WDR72: variants seen among roughly 807,000 people sequenced by gnomAD.
WDR72 encodes the protein WD repeat-containing protein 72.
In WDR72, 120 loss-of-function variants were observed where a neutral mutation model predicts 124.2. The ratio of observed to expected loss-of-function variants is 0.97; its 90% CI spans 0.83 to 1.12. The LOEUF is 1.12. Ranked by LOEUF, WDR72 falls within the 50% of genes most tolerant of loss-of-function variation. The pLI, the probability that WDR72 is intolerant of heterozygous loss-of-function variation, is 0.00. For missense variants in WDR72, 1,387 were observed against 1,278.8 expected (o/e 1.08, Z -1.29); for synonymous variants, 452 against 441.7 (o/e 1.02, Z -0.29).
At chr15:53,619,076 C>T (rs1317657131) in intron 14 of WDR72, among the ~76,000 whole-genome samples, 1 of 151,762 alleles carries the variant, frequency 6.6e-6, no homozygotes, top group Non-Finnish European at 1.5e-5. Flanking sequence ...CTATTTGGTT[C>T]TTCTAAAAAA....
chr15:53,618,180 AT>A (rs2013845361), intron 14 of WDR72, among the ~76,000 whole-genome samples: 1 of 151,960 alleles, frequency 6.6e-6, no homozygotes, highest in Non-Finnish European at 1.5e-5. Context: ...AAAGTAACCA[AT>A]ATTTGAATTT....
chr15:53,632,085 C>G (rs908073302), intron 14 of WDR72, among the ~76,000 whole-genome samples: 37 of 152,122 alleles, frequency 2.4e-4, no homozygotes, highest in African/African-American at 8.4e-4. Flanking sequence ...GAGGAGAAGT[C>G]TTCTAAGACA....
chr15:53,548,666 G>A (rs1893596770), intron 18 of WDR72, among the ~76,000 whole-genome samples: 1 of 151,594 alleles, frequency 6.6e-6, no homozygotes, highest in Non-Finnish European at 1.5e-5. Flanking sequence ...TTTGGTGGGG[G>A]TTGAGGTGGG....
chr15:53,636,875 T>C (rs1391924724), intron 14 of WDR72, among the ~76,000 whole-genome samples: 1 of 152,208 alleles, frequency 6.6e-6, no homozygotes, highest in East Asian at 1.9e-4. Context: ...AACAACTTTA[T>C]GGTCATTTGC....
chr15:53,561,392 A>G (rs1179289452), intron 18 of WDR72, among the ~76,000 whole-genome samples: 1 of 151,828 alleles, frequency 6.6e-6, no homozygotes, highest in Admixed American at 6.6e-5. Context: ...CAAAGTAATT[A>G]AAAAAATCAA....
intron 1 of WDR72, among the ~76,000 whole-genome samples, chr15:53,753,708 T>C (rs1190334097): frequency 4.6e-5 from 7 of 152,240 alleles, no homozygotes; most frequent in African/African-American, 1.4e-4. Context: ...TCCCACCTTC[T>C]GTCTTCACTA....
intron 18 of WDR72, among the ~76,000 whole-genome samples, chr15:53,539,218 G>A (rs1412106141): frequency 6.6e-6 from 1 of 152,086 alleles, no homozygotes; most frequent in Non-Finnish European, 1.5e-5. Flanking sequence ...GTTTAAATAT[G>A]CCTTTCCTGG....
intron 10 of WDR72, among the ~76,000 whole-genome samples, chr15:53,705,458 A>T (rs73412118): frequency 0.013 from 1,896 of 146,084 alleles, 36 homozygotes; most frequent in African/African-American, 0.047. Context: ...GTGTGTTTTT[A>T]ATTAAAAAAA....
In WDR72 at chr15:53,705,187, C is replaced by T. The variant is rs755099188; in HGVS notation, c.1149G>A (p.Lys383=). Residue 383 remains lysine (K), a synonymous_variant, in exon 11 of 20, where the codon AAG becomes AAA. Coordinates refer to ENST00000360509, the MANE Select transcript of WDR72 (RefSeq NM_182758.4). ...TAATACTTTGTGACATAGTATCATG[C>T]TTATCAAAATTATCTTGAAGAGTCC... The part of the protein sequence containing the change: ...ATWTLQDNFD[K]HDTMSQSIID... The T allele has an allele frequency of 1.2e-6, 2 of 1,613,950 alleles. No homozygotes were observed. Among genetic ancestry groups the T allele is most frequent in the Non-Finnish European group, 1.7e-6 (2 of 1,180,004 alleles).
chr15:53,671,374 T>C (rs55679737), intron 13 of WDR72, among the ~76,000 whole-genome samples: 2,609 of 152,314 alleles, frequency 0.017, 90 homozygotes, highest in African/African-American at 0.06. Flanking sequence ...TCTTGTACTG[T>C]TTTCTATCTC....
intron 12 of WDR72, among the ~76,000 whole-genome samples, chr15:53,701,807 T>C (rs1453271431): frequency 6.6e-6 from 1 of 152,014 alleles, no homozygotes; most frequent in East Asian, 1.9e-4. Context: ...AAAAAGATAA[T>C]TCCATTAAAA....
chr15:53,757,190 C>A (rs1043350240), intron 1 of WDR72, among the ~76,000 whole-genome samples: 10 of 152,142 alleles, frequency 6.6e-5, no homozygotes, highest in African/African-American at 2.2e-4. Context: ...TACTTTTAGT[C>A]CAGGTCTCCA....
chr15:53,546,295 A>C (rs1367902473), intron 18 of WDR72, among the ~76,000 whole-genome samples: 2 of 152,158 alleles, frequency 1.3e-5, no homozygotes, highest in Admixed American at 1.3e-4. Flanking sequence ...CTGGATTAAG[A>C]AAATGTGGCA....
chr15:53,596,208 CAT>C (rs1055144707), intron 18 of WDR72, among the ~76,000 whole-genome samples: 14 of 152,092 alleles, frequency 9.2e-5, no homozygotes, highest in African/African-American at 2.4e-4. Context: ...AAATTTATAA[CAT>C]GTTTTCCTGA....
intron 18 of WDR72, among the ~76,000 whole-genome samples, chr15:53,586,902 G>T (rs922758322): frequency 6.6e-6 from 1 of 151,994 alleles, no homozygotes; most frequent in Non-Finnish European, 1.5e-5. Context: ...ATCTCCTTCT[G>T]AACTTTTTTA....
chr15:53,653,536 G>C (rs2015313872), intron 14 of WDR72, among the ~76,000 whole-genome samples: 1 of 152,128 alleles, frequency 6.6e-6, no homozygotes, highest in African/African-American at 2.4e-5. Context: ...CAAATAGTTG[G>C]GGATTAAATA....
At chr15:53,650,122 AT>A (rs35808304) in intron 14 of WDR72, among the ~76,000 whole-genome samples, 111,748 of 152,054 alleles carry the variant, frequency 0.73, 41,209 homozygotes, top group African/African-American at 0.77. Flanking sequence ...AAGAAAGGAA[AT>A]TTCTGCAATA....
intron 18 of WDR72, among the ~76,000 whole-genome samples, chr15:53,565,526 G>A (rs1894264837): frequency 6.6e-6 from 1 of 151,792 alleles, no homozygotes; most frequent in Admixed American, 6.6e-5. Flanking sequence ...TAAACAGTAA[G>A]GTATACTATG....
chr15:53,689,980 A>G (rs2016782242), intron 13 of WDR72, among the ~76,000 whole-genome samples: 1 of 147,250 alleles, frequency 6.8e-6, no homozygotes, highest in Non-Finnish European at 1.5e-5. Flanking sequence ...AAAACCAAAC[A>G]CCGCATATTC....
Sources: allele counts gnomAD v4.1 joint callset (sites outside exome capture counted in the v4.1 genomes callset), GRCh38; gene constraint gnomAD v4.1.1; transcripts MANE v1.5; gene names NCBI Gene and HGNC (gene_info 2026-07-23, HGNC 2026-07-21).